The following ITGA9 variants were observed in gnomAD, a reference collection of about 807,000 sequenced individuals.
ITGA9 encodes integrin alpha-9.
A neutral mutation model predicts 127.8 loss-of-function variants in ITGA9; 56 were observed. That is an observed-to-expected ratio of 0.44 (90% CI 0.35 to 0.55). The LOEUF (loss-of-function observed/expected upper bound fraction) is 0.55. ITGA9 is among the 20% of genes least tolerant of loss of function. ITGA9 has a pLI of 0.00. For missense variants in ITGA9, 1,196 were observed against 1,347.1 expected (o/e 0.89, Z 1.76); for synonymous variants, 508 against 514.5 (o/e 0.99, Z 0.17).
chr3:37,748,652 C>A (rs986199002), intron 22 of ITGA9: 2 of 514,018 alleles, frequency 3.9e-6, no homozygotes, highest in Non-Finnish European at 6.9e-6. Context: ...GAGGCTGAGG[C>A]AGGGAGAATT....
At chr3:37,693,342 A>G (rs945401036) in intron 18 of ITGA9, among the ~76,000 whole-genome samples, 3 of 152,198 alleles carry the variant, frequency 2.0e-5, no homozygotes, top group African/African-American at 7.2e-5. Flanking sequence ...GTTCCAAATT[A>G]AACTGGTCTT....
At chr3:37,751,393 A>G (rs56337950) in intron 23 of ITGA9, among the ~76,000 whole-genome samples, 4 of 152,252 alleles carry the variant, frequency 2.6e-5, no homozygotes, top group African/African-American at 7.2e-5. Flanking sequence ...CCTCTTAAAT[A>G]TTATTAACCA....
intron 18 of ITGA9, among the ~76,000 whole-genome samples, chr3:37,720,952 T>G (rs1575207837): frequency 6.6e-6 from 1 of 152,288 alleles, no homozygotes; most frequent in Non-Finnish European, 1.5e-5. Context: ...ATTTTAAATC[T>G]TTCAAAGCAC....
intron 19 of ITGA9, among the ~76,000 whole-genome samples, chr3:37,734,121 C>T (rs979554112): frequency 1.3e-5 from 2 of 152,202 alleles, no homozygotes; most frequent in African/African-American, 4.8e-5. Context: ...GCCCATGACT[C>T]CTCGGATTTT....
intron 15 of ITGA9, among the ~76,000 whole-genome samples, chr3:37,576,487 G>A (rs932249806): frequency 2.0e-5 from 3 of 152,144 alleles, no homozygotes; most frequent in African/African-American, 7.2e-5. Context: ...ATTCCCCCTG[G>A]GCTCACTTTT....
At chr3:37,704,599 C>T (rs1700983828) in intron 18 of ITGA9, among the ~76,000 whole-genome samples, 1 of 152,186 alleles carries the variant, frequency 6.6e-6, no homozygotes, top group Admixed American at 6.5e-5. Flanking sequence ...ACACTGTCTC[C>T]AACTCCACCA....
intron 7 of ITGA9, among the ~76,000 whole-genome samples, chr3:37,507,139 C>T (rs1433854595): frequency 6.6e-6 from 1 of 152,210 alleles, no homozygotes; most frequent in Non-Finnish European, 1.5e-5. Context: ...TTCTTCAAAA[C>T]TGAAACCAGA....
At chr3:37,470,433 TCTGATAAC>T (rs1428195914) in intron 1 of ITGA9, among the ~76,000 whole-genome samples, 1 of 152,216 alleles carries the variant, frequency 6.6e-6, no homozygotes, top group East Asian at 1.9e-4. Context: ...GTTGAGTTTC[TCTGATAAC>T]TAACATAGTT....
intron 12 of ITGA9, among the ~76,000 whole-genome samples, chr3:37,524,969 A>G (rs1699079324): frequency 6.6e-6 from 1 of 152,242 alleles, no homozygotes; most frequent in African/African-American, 2.4e-5. Context: ...CCAAGTGGAG[A>G]AATTTTAGGA....
rs549611726 is a variant in ITGA9, at chr3:37,797,960, C to T, written c.2890-5863C>T. 5.3e-5 allele frequency among the ~76,000 whole-genome samples: 8 copies of T among 152,184 alleles called. No homozygotes were observed. The South Asian group carries it at 1.7e-3, about 32-fold the overall frequency. On this transcript the variant is annotated intron_variant, in intron 26 of 27. Coordinates refer to ENST00000264741, the MANE Select transcript of ITGA9 (RefSeq NM_002207.3). Reference sequence around the variant, plus strand: ...TTGGTCTCCCAAAGTGCTGGAATTACAGGTGTGATCCACCATACCCAACCT... The same window carrying T: ...TTGGTCTCCCAAAGTGCTGGAATTATAGGTGTGATCCACCATACCCAACCT...
intron 16 of ITGA9, among the ~76,000 whole-genome samples, chr3:37,643,591 T>G (rs1213967107): frequency 6.6e-6 from 1 of 152,240 alleles, no homozygotes; most frequent in East Asian, 1.9e-4. Context: ...CTCTTCAAGC[T>G]TATTGAGTTT....
chr3:37,509,366 G>C (rs1440600396), intron 8 of ITGA9, among the ~76,000 whole-genome samples: 1 of 152,112 alleles, frequency 6.6e-6, no homozygotes, highest in East Asian at 1.9e-4. Context: ...TAGATCAGCA[G>C]GACTGTTTGG....
chr3:37,560,538 C>T (rs778975080), intron 15 of ITGA9, among the ~76,000 whole-genome samples: 1 of 152,208 alleles, frequency 6.6e-6, no homozygotes, highest in African/African-American at 2.4e-5. Flanking sequence ...CTGTCTTCCA[C>T]AATGGTTGAA....
chr3:37,783,920 T>G (rs1198254237), intron 25 of ITGA9, among the ~76,000 whole-genome samples: 2 of 152,164 alleles, frequency 1.3e-5, no homozygotes, highest in East Asian at 3.8e-4. Flanking sequence ...CTTTGTGGTT[T>G]CTTTGGCAGA....
At chr3:37,469,543 A>G (rs1430584335) in intron 1 of ITGA9, among the ~76,000 whole-genome samples, 1 of 152,212 alleles carries the variant, frequency 6.6e-6, no homozygotes, top group African/African-American at 2.4e-5. Flanking sequence ...GAATGACAAC[A>G]TTATCCGCAC....
intron 9 of ITGA9, among the ~76,000 whole-genome samples, chr3:37,515,176 C>T (rs563345031): frequency 7.3e-4 from 111 of 152,296 alleles, no homozygotes; most frequent in East Asian, 5.8e-4. Flanking sequence ...ATGAAAACTG[C>T]ATGTACAACC....
intron 15 of ITGA9, among the ~76,000 whole-genome samples, chr3:37,599,732 G>T (rs542789526): frequency 6.6e-6 from 1 of 152,274 alleles, no homozygotes; most frequent in East Asian, 1.9e-4. Flanking sequence ...AACACTGATA[G>T]AATCTATCTC....
At chr3:37,506,304 AC>A (rs1698843465) in intron 7 of ITGA9, among the ~76,000 whole-genome samples, 1 of 151,702 alleles carries the variant, frequency 6.6e-6, no homozygotes, top group Non-Finnish European at 1.5e-5. Context: ...TTTCCTGCAC[AC>A]TCTCATCTGA....
In ITGA9 at chr3:37,565,880, C is replaced by T. The variant is rs78196593; in HGVS notation, c.1689+23295C>T. Among the ~76,000 whole-genome samples, 136 of 152,192 alleles carry T rather than the reference C, an allele frequency of 8.9e-4. 3 individuals are homozygous for T. The East Asian group carries it at 0.025, about 27-fold the overall frequency. ...TTGGGAGTGACGTTGGGAACTGTTT[C>T]GCCAGAAATACTGGGGACCCTTGAG... is the stretch of plus-strand genomic sequence containing the variant. On this transcript the variant is annotated intron_variant, in intron 15 of 27. Transcript: ENST00000264741.
Sources: allele counts gnomAD v4.1 joint callset (sites outside exome capture counted in the v4.1 genomes callset), GRCh38; gene constraint gnomAD v4.1.1; transcripts MANE v1.5; gene names NCBI Gene and HGNC (gene_info 2026-07-23, HGNC 2026-07-21).